The following ASPRV1 variants were observed in gnomAD, a reference collection of about 807,000 sequenced individuals.
ASPRV1 encodes the protein aspartic peptidase retroviral like 1, also known as retroviral-like aspartic protease 1.
Under a neutral mutation model 11.0 loss-of-function variants are expected in ASPRV1, and 7 were observed. The ratio of observed to expected loss-of-function variants is 0.64; its 90% CI spans 0.36 to 1.20. The LOEUF is 1.20. ASPRV1 is among the 50% of genes most tolerant of loss of function. The pLI is 0.02. For missense variants in ASPRV1, 299 were observed against 320.0 expected (o/e 0.93, Z 0.50); for synonymous variants, 136 against 138.4 (o/e 0.98, Z 0.12).
chr2:70,069,834 CCTTT>C, the ASPRV1 span, among the ~76,000 whole-genome samples: 10 of 151,960 alleles, frequency 6.6e-5, no homozygotes, highest in Non-Finnish European at 1.3e-4. Flanking sequence ...AGTCACTTCA[CCTTT>C]CTGAGTTCTA....
chr2:69,956,296 A>G (rs1677933551), downstream of ASPRV1, among the ~76,000 whole-genome samples: 1 of 152,086 alleles, frequency 6.6e-6, no homozygotes, highest in Non-Finnish European at 1.5e-5. Flanking sequence ...AGGGCCAGCT[A>G]ATAGGTATAG....
At chr2:70,006,205 G>A in the ASPRV1 span, among the ~76,000 whole-genome samples, 1 of 152,128 alleles carries the variant, frequency 6.6e-6, no homozygotes, top group Non-Finnish European at 1.5e-5. Context: ...GGGCTGGGGG[G>A]TAAAACTGTC....
chr2:69,953,972 C>G, the ASPRV1 span, among the ~76,000 whole-genome samples: 2 of 152,188 alleles, frequency 1.3e-5, no homozygotes, highest in East Asian at 1.9e-4. Flanking sequence ...CCTGCCTCTG[C>G]CTCCCAAAGT....
At chr2:70,005,994 C>CT in the ASPRV1 span, among the ~76,000 whole-genome samples, 1 of 152,196 alleles carries the variant, frequency 6.6e-6, no homozygotes, top group Non-Finnish European at 1.5e-5. Flanking sequence ...ACTATTGACA[C>CT]TTTGAGCTGG....
the ASPRV1 span, among the ~76,000 whole-genome samples, chr2:70,066,204 C>T: frequency 6.6e-6 from 1 of 151,740 alleles, no homozygotes; most frequent in Middle Eastern, 3.2e-3. Context: ...ACTCTGTCTC[C>T]AAAACACAAA....
chr2:69,984,790 T>C, the ASPRV1 span, among the ~76,000 whole-genome samples: 1 of 151,448 alleles, frequency 6.6e-6, no homozygotes. Context: ...CCAGTTTTTT[T>C]GTATCTTTAG....
the ASPRV1 span, among the ~76,000 whole-genome samples, chr2:70,033,113 C>G: frequency 3.7e-4 from 57 of 152,202 alleles, no homozygotes; most frequent in Non-Finnish European, 6.6e-4. Flanking sequence ...TCTGCAAATC[C>G]CAGGAGCTAA....
chr2:69,948,392 A>T, the ASPRV1 span, among the ~76,000 whole-genome samples: 1 of 152,174 alleles, frequency 6.6e-6, no homozygotes, highest in Non-Finnish European at 1.5e-5. Flanking sequence ...AGCCTGTTCC[A>T]CTCAACGTCA....
At chr2:70,013,107 A>T in the ASPRV1 span, among the ~76,000 whole-genome samples, 1 of 152,222 alleles carries the variant, frequency 6.6e-6, no homozygotes, top group Non-Finnish European at 1.5e-5. Context: ...TTATAGACTG[A>T]AATGTGCCTA....
the ASPRV1 span, chr2:69,968,464 T>C: frequency 1.3e-5 from 2 of 150,878 alleles, no homozygotes; most frequent in Non-Finnish European, 3.0e-5. Context: ...GTGGAGGTCG[T>C]GGTGAGCCGA....
chr2:70,068,433 A>C, the ASPRV1 span, among the ~76,000 whole-genome samples: 1 of 152,192 alleles, frequency 6.6e-6, no homozygotes, highest in Non-Finnish European at 1.5e-5. Flanking sequence ...TTACAGAAAA[A>C]GGAGGCGGCA....
At chr2:70,028,374 G>C in the ASPRV1 span, 1 of 152,158 alleles carries the variant, frequency 6.6e-6, no homozygotes, top group African/African-American at 2.4e-5. Context: ...TGAGTCTTTG[G>C]AAATTAGCAA....
the ASPRV1 span, among the ~76,000 whole-genome samples, chr2:70,014,884 G>C: frequency 2.0e-5 from 3 of 150,812 alleles, no homozygotes; most frequent in African/African-American, 7.3e-5. Context: ...TCTTATATCT[G>C]AAAAGGATTT....
chr2:70,039,103 A>C, the ASPRV1 span, among the ~76,000 whole-genome samples: 1 of 151,748 alleles, frequency 6.6e-6, no homozygotes, highest in African/African-American at 2.4e-5. Flanking sequence ...AAACAAAGCC[A>C]ACATATGTGG....
At chr2:69,951,521 AC>A in the ASPRV1 span, among the ~76,000 whole-genome samples, 1 of 149,496 alleles carries the variant, frequency 6.7e-6, no homozygotes, top group East Asian at 1.9e-4. Flanking sequence ...AGATCTATAC[AC>A]ACACACTCAT....
chr2:70,080,046 ATTTT>A, the ASPRV1 span, among the ~76,000 whole-genome samples: 1 of 151,958 alleles, frequency 6.6e-6, no homozygotes, highest in East Asian at 1.9e-4. Flanking sequence ...ATTTAAATGT[ATTTT>A]TTTTGTTCTG....
chr2:69,960,391 A>C lies in ASPRV1; in HGVS notation c.*266T>G. ...TCCTTGGGAGCTCTTCCAGCCTTTG[A>C]GTCTTTGTCATCAACAGCAGCTTGA... On this transcript the variant is annotated 3_prime_UTR_variant, in exon 1 of 1. Transcript: ENST00000320256. 2.3e-6 allele frequency: 1 copy of C among 441,186 alleles called. No individual in the cohort carries two copies. The highest frequency in any genetic ancestry group is 1.9e-5 in the African/African-American group (1 of 51,628). 27.3% of individuals were successfully genotyped at this position (441,186 alleles called of 1,614,324 possible).
chr2:69,980,921 G>A, the ASPRV1 span, among the ~76,000 whole-genome samples: 11 of 152,064 alleles, frequency 7.2e-5, no homozygotes, highest in East Asian at 9.7e-4. Flanking sequence ...GATTACAGGC[G>A]CCCGCCACCA....
chr2:69,952,284 C>A, the ASPRV1 span, among the ~76,000 whole-genome samples: 1 of 152,168 alleles, frequency 6.6e-6, no homozygotes, highest in Non-Finnish European at 1.5e-5. Flanking sequence ...AATCCCAACA[C>A]TTTGGGCGGG....
Sources: allele counts gnomAD v4.1 joint callset (sites outside exome capture counted in the v4.1 genomes callset), GRCh38; gene constraint gnomAD v4.1.1; transcripts MANE v1.5; gene names NCBI Gene and HGNC (gene_info 2026-07-23, HGNC 2026-07-21).